Variants in SEPTIN9 observed in about 807,000 individuals in gnomAD.
SEPTIN9 encodes septin-9.
In SEPTIN9, 13 loss-of-function variants were observed where a neutral mutation model predicts 56.6. That is an observed-to-expected ratio of 0.23 (90% CI 0.15 to 0.37). SEPTIN9 has a LOEUF of 0.37. Ranked by LOEUF, SEPTIN9 falls within the 10% of genes least tolerant of loss-of-function variation. SEPTIN9 has a pLI of 1.00. For synonymous variants in SEPTIN9, 332 were observed against 334.1 expected (o/e 0.99, Z 0.07); for missense variants, 650 against 823.1 (o/e 0.79, Z 2.57).
In SEPTIN9 at chr17:77,499,414, C is replaced by T. The variant is rs760062835; in HGVS notation, c.*756C>T. The T allele has an allele frequency of 9.3e-6, 5 of 540,224 alleles. No individual in the cohort carries two copies. The highest frequency in any genetic ancestry group is 7.4e-5 in the African/African-American group (4 of 54,130). The allele number at this position is 540,224 out of a possible 1,614,324, so 33.5% of individuals were successfully genotyped here. A position where few individuals can be genotyped will look rare whatever the true frequency, so the allele number is the denominator to read the frequency against. On this transcript the variant is annotated 3_prime_UTR_variant, in exon 12 of 12. Transcript: ENST00000427177. The stretch of plus-strand genomic sequence containing the variant: ...CGCCCCCACCGGGCTGCAGGTGCTG[C>T]TGATGCGCTGGGATCTGATTGAGGA...
rs1344358064 is a variant in SEPTIN9, at chr17:77,429,273, T to C, written c.721+26570T>C. The C allele has an allele frequency of 2.1e-6, 1 of 471,216 alleles. No homozygotes were observed. The highest frequency in any genetic ancestry group is 4.4e-6 in the Non-Finnish European group (1 of 227,168). 29.2% of individuals were successfully genotyped at this position (471,216 alleles called of 1,614,324 possible). A position where few individuals can be genotyped will look rare whatever the true frequency, so the allele number is the denominator to read the frequency against. On this transcript the variant is annotated intron_variant, in intron 3 of 11. Coordinates refer to ENST00000427177, the MANE Select transcript of SEPTIN9 (RefSeq NM_001113491.2). This position sits in a 1 kb window ranked among gnomAD's most constrained non-coding sequence, Gnocchi z 5.2. ...CCGTGACCTTGATCTGACCGTAATTTTGATGGTGCCGATGCCGTCAGCACG... is the reference window on the plus strand; with the variant it reads ...CCGTGACCTTGATCTGACCGTAATTCTGATGGTGCCGATGCCGTCAGCACG...
In SEPTIN9 at chr17:77,405,114, G is replaced by A. The variant is rs1356990432; in HGVS notation, c.721+2411G>A. The A allele has an allele frequency of 1.3e-6, 2 of 1,535,408 alleles. No individual in the cohort carries two copies. The highest frequency in any genetic ancestry group is 2.0e-5 in the Admixed American group (1 of 50,974). ...GTGATGGCTGGTGCTGGATGCACAG[G>A]GACGTGGTCCTGGCTCTGGGGGACA... On this transcript the variant is annotated intron_variant, in intron 3 of 11. Transcript: ENST00000427177. The surrounding 1 kb of genome is among the most constrained non-coding windows in gnomAD (Gnocchi z 5.8).
At position 77,475,536 on chromosome 17, in the gene SEPTIN9, G is replaced by C. The variant is rs567493408; in HGVS notation, c.722-6608G>C. On this transcript the variant is annotated intron_variant, in intron 3 of 11. Transcript: ENST00000427177. This position sits in a 1 kb window ranked among gnomAD's most constrained non-coding sequence, Gnocchi z 4.6. ...GTGCCCCCATGGGCTCAAGTTTCTG[G>C]GAAGGCCTGCAGGTGGCCGTAGGGC... is the stretch of plus-strand genomic sequence containing the variant. 2 of 1,612,142 alleles carry C rather than the reference G, an allele frequency of 1.2e-6. No individual in the cohort carries two copies. The highest frequency in any genetic ancestry group is 1.1e-5 in the South Asian group (1 of 91,040).
chr17:77,334,119 G>T (rs1382716893), intron 2 of SEPTIN9, among the ~76,000 whole-genome samples: 1 of 151,638 alleles, frequency 6.6e-6, no homozygotes, highest in Non-Finnish European at 1.5e-5. Flanking sequence ...TTTCCCCATG[G>T]GTCTCATTTA....
chr17:77,459,070 CA>C (rs959959715), intron 3 of SEPTIN9, among the ~76,000 whole-genome samples: 7 of 152,226 alleles, frequency 4.6e-5, no homozygotes, highest in African/African-American at 1.7e-4. Flanking sequence ...CGGTCGGCCC[CA>C]CACGTGGCAC....
In SEPTIN9 at chr17:77,490,773, C is replaced by T. The variant is rs1385536623; in HGVS notation, c.1294C>T (p.Arg432Cys). ...LRPLDIEFMK[R>C]LSKVVNIVPV... The stretch of plus-strand genomic sequence containing the variant: ...GCCCCTGGACATCGAGTTTATGAAA[C>T]GCCTGAGCAAGGTGGTCAACATCGT... The change falls in exon 8 of 12, where the codon CGC (arginine) becomes TGC (cysteine). Residue 432 changes from arginine to cysteine, a missense_variant. By Grantham distance (180) the Arg-to-Cys change is radical. Around this residue, in one of 2 missense-constraint regions of SEPTIN9, gnomAD observed 333 missense variants for 494.0 expected, o/e 0.67. Coordinates refer to ENST00000427177, the MANE Select transcript of SEPTIN9 (RefSeq NM_001113491.2). 2.5e-6 allele frequency: 4 copies of T among 1,587,486 alleles called. No homozygotes were observed. Among genetic ancestry groups the T allele is most frequent in the South Asian group, 2.3e-5 (2 of 86,936 alleles).
Position 77,319,990 on chromosome 17 carries a change from GGT to G in SEPTIN9, c.76+12795_76+12796del. 8.1e-7 allele frequency: 1 copy of G among 1,231,700 alleles called. No individual in the cohort carries two copies. Among genetic ancestry groups the G allele is most frequent in the Non-Finnish European group, 1.0e-6 (1 of 980,990 alleles). 76.3% of individuals were successfully genotyped at this position (1,231,700 alleles called of 1,614,324 possible). A position where few individuals can be genotyped will look rare whatever the true frequency, so the allele number is the denominator to read the frequency against. On this transcript the variant is annotated intron_variant, in intron 2 of 11. Transcript: ENST00000427177. This position sits in a 1 kb window ranked among gnomAD's most constrained non-coding sequence, Gnocchi z 5.3. ...CTCTGGGACTCTCGCAGGCAGACCC[GGT>G]GGTCTGCCGGACTCCTCGGGGCCCA...
chr17:77,469,881 C>CCACTCA (rs2038905710), intron 3 of SEPTIN9, among the ~76,000 whole-genome samples: 1 of 149,470 alleles, frequency 6.7e-6, no homozygotes, highest in South Asian at 2.2e-4. Flanking sequence ...ATCCACCTAT[C>CCACTCA]TACAGTCATT....
At chr17:77,430,855 G>A (rs545477481) in intron 3 of SEPTIN9, among the ~76,000 whole-genome samples, 1 of 152,242 alleles carries the variant, frequency 6.6e-6, no homozygotes, top group Non-Finnish European at 1.5e-5. Context: ...GCCAGGTATG[G>A]TGGTGCACGC....
chr17:77,382,802 T>C (rs2035191508), intron 2 of SEPTIN9, among the ~76,000 whole-genome samples: 1 of 152,152 alleles, frequency 6.6e-6, no homozygotes, highest in African/African-American at 2.4e-5. Context: ...GGCCCAGTAC[T>C]GTGCAGAGGG....
At chr17:77,293,252 C>G (rs1005704246) in intron 1 of SEPTIN9, among the ~76,000 whole-genome samples, 3 of 152,152 alleles carry the variant, frequency 2.0e-5, no homozygotes, top group African/African-American at 7.2e-5. Context: ...CTCCCAACCT[C>G]AAGCAATCCT....
intron 1 of SEPTIN9, among the ~76,000 whole-genome samples, chr17:77,300,869 C>T (rs2032018115): frequency 8.3e-6 from 1 of 119,948 alleles, no homozygotes; most frequent in Admixed American, 8.1e-5. Context: ...CGCCCCCATC[C>T]CAGCTCAAAC....
chr17:77,488,451 C>A, intron 6 of SEPTIN9, 130 bp downstream of exon 6: 2 of 911,762 alleles, frequency 2.2e-6, no homozygotes, highest in South Asian at 1.4e-5. Flanking sequence ...TGACATGCTG[C>A]CAAAGCCGCA....
chr17:77,500,382 G>A lies in SEPTIN9; in HGVS notation c.*1724G>A, dbSNP rs886053498. 3.8e-5 allele frequency: 8 copies of A among 208,208 alleles called. No homozygotes were observed. Among genetic ancestry groups the A allele is most frequent in the African/African-American group, 6.9e-5 (3 of 43,500 alleles). The allele number at this position is 208,208 out of a possible 1,614,324, so 12.9% of individuals were successfully genotyped here. ...CCCAGCCTCAATGTCACTTGGTGGC[G>A]GGGTGGGGTGGGGGTGGGCAGCAGC... On this transcript the variant is annotated 3_prime_UTR_variant, in exon 12 of 12. Transcript: ENST00000427177.
Position 77,402,337 on chromosome 17 carries a change from G to A in SEPTIN9, c.355G>A (p.Val119Met). 6.2e-7 allele frequency: 1 copy of A among 1,612,682 alleles called. No homozygotes were observed. The highest frequency in any genetic ancestry group is 8.5e-7 in the Non-Finnish European group (1 of 1,179,802). The change falls in exon 3 of 12, where the codon GTG becomes ATG. Residue 119 changes from valine (V) to methionine (M), a missense_variant. This residue lies in a region of SEPTIN9 where 317 missense variants were observed against 329.1 expected (regional missense o/e 0.96). Transcript: ENST00000427177. This position sits in a 1 kb window ranked among gnomAD's most constrained non-coding sequence, Gnocchi z 6.6. ...GTCCATTGACATCTCGTCCAAGCAGGTGGAGAACGCCGGGGCCATCGGCCC... is the reference window on the plus strand; with the variant it reads ...GTCCATTGACATCTCGTCCAAGCAGATGGAGAACGCCGGGGCCATCGGCCC... ...ELSIDISSKQ[V>M]ENAGAIGPSR...
In SEPTIN9 at chr17:77,421,147, T is replaced by C. The variant is rs902723979; in HGVS notation, c.721+18444T>C. Reference sequence around the variant, plus strand: ...GTGTCTGGGCCCCTGCCTGAGACTTTGGCTGGATGCCAGGAGCCCGAGACC... The same window carrying C: ...GTGTCTGGGCCCCTGCCTGAGACTTCGGCTGGATGCCAGGAGCCCGAGACC... On this transcript the variant is annotated intron_variant, in intron 3 of 11. Coordinates refer to ENST00000427177, the MANE Select transcript of SEPTIN9 (RefSeq NM_001113491.2). The surrounding 1 kb of genome is among the most constrained non-coding windows in gnomAD (Gnocchi z 4.6). Among the ~76,000 whole-genome samples, 1 of 152,232 alleles carries C rather than the reference T, an allele frequency of 6.6e-6. No homozygotes were observed. The highest frequency in any genetic ancestry group is 1.5e-5 in the Non-Finnish European group (1 of 68,038).
At chr17:77,321,693 G>T (rs201570721) in intron 2 of SEPTIN9, among the ~76,000 whole-genome samples, 2 of 152,206 alleles carry the variant, frequency 1.3e-5, no homozygotes, top group East Asian at 3.9e-4. Flanking sequence ...CGGCCTCAGG[G>T]CCACATCTTG....
At position 77,316,054 on chromosome 17, in the gene SEPTIN9, C is replaced by T. The variant is rs537644396; in HGVS notation, c.76+8857C>T. Among the ~76,000 whole-genome samples, 15 of 152,296 alleles carry T rather than the reference C, an allele frequency of 9.8e-5. No individual in the cohort carries two copies. The East Asian group carries it at 2.9e-3, about 29-fold the overall frequency. Reference sequence around the variant, plus strand: ...GGGAAAAGGTGGGTTAAACCAAGCCCGGCTCCCTCACTGTAGGATTACTCA... The same window carrying T: ...GGGAAAAGGTGGGTTAAACCAAGCCTGGCTCCCTCACTGTAGGATTACTCA... On this transcript the variant is annotated intron_variant, in intron 2 of 11. Coordinates refer to ENST00000427177, the MANE Select transcript of SEPTIN9 (RefSeq NM_001113491.2).
intron 3 of SEPTIN9, among the ~76,000 whole-genome samples, chr17:77,420,894 C>T (rs1417715941): frequency 6.6e-6 from 1 of 152,212 alleles, no homozygotes; most frequent in Non-Finnish European, 1.5e-5. Context: ...TACCCCTTGC[C>T]CTGCCCAACA....
Sources: allele counts gnomAD v4.1 joint callset (sites outside exome capture counted in the v4.1 genomes callset), GRCh38; gene constraint gnomAD v4.1.1; regional missense constraint gnomAD v4.1.1; non-coding constraint Gnocchi (gnomAD v3.1); transcripts MANE v1.5; gene names NCBI Gene and HGNC (gene_info 2026-07-23, HGNC 2026-07-21).